ARMH4: variants seen among roughly 807,000 people sequenced by gnomAD.
ARMH4 encodes armadillo like helical domain containing 4, also known as armadillo-like helical domain-containing protein 4.
Under a neutral mutation model 61.9 loss-of-function variants are expected in ARMH4, and 49 were observed. The ratio of observed to expected loss-of-function variants is 0.79; its 90% CI spans 0.63 to 1.00. ARMH4 has a LOEUF of 1.00. Ranked by LOEUF, ARMH4 falls within the 50% of genes least tolerant of loss-of-function variation. ARMH4 has a pLI of 0.00. For synonymous variants in ARMH4, 368 were observed against 341.5 expected, an observed-to-expected ratio of 1.08 and a Z score of -0.85; for missense variants, 934 against 930.0, an observed-to-expected ratio of 1.00 and a Z score of -0.06.
chr14:58,040,147 A>T (rs557150144), intron 5 of ARMH4, among the ~76,000 whole-genome samples: 7 of 152,348 alleles, frequency 4.6e-5, no homozygotes, highest in African/African-American at 1.4e-4. Flanking sequence ...TTGGGTTCTT[A>T]GCACCCTAAA....
intron 5 of ARMH4, among the ~76,000 whole-genome samples, chr14:58,056,212 C>T (rs1161192192): frequency 6.6e-6 from 1 of 152,222 alleles, no homozygotes; most frequent in African/African-American, 2.4e-5. Context: ...AATTTGAGCA[C>T]AGAACAGATC....
chr14:58,065,518 A>C (rs773754067), intron 5 of ARMH4, among the ~76,000 whole-genome samples: 3 of 152,228 alleles, frequency 2.0e-5, no homozygotes, highest in African/African-American at 4.8e-5. Context: ...TCATGCCTAC[A>C]CTGTCCTTAA....
intron 1 of ARMH4, among the ~76,000 whole-genome samples, chr14:58,145,436 G>C (rs370944979): frequency 6.6e-6 from 1 of 152,154 alleles, no homozygotes; most frequent in Admixed American, 6.6e-5. Context: ...TCAAATGGTG[G>C]AGCAGATGCT....
At chr14:58,032,689 G>A (rs1445226248) in intron 5 of ARMH4, among the ~76,000 whole-genome samples, 2 of 151,856 alleles carry the variant, frequency 1.3e-5, no homozygotes, top group East Asian at 2.0e-4. Flanking sequence ...AGGCCAGTGT[G>A]TGCGCGCACC....
intron 5 of ARMH4, among the ~76,000 whole-genome samples, chr14:58,065,843 C>T (rs899767440): frequency 6.6e-6 from 1 of 152,240 alleles, no homozygotes; most frequent in Non-Finnish European, 1.5e-5. Flanking sequence ...CTGTTGTGAG[C>T]TGCATTGTGG....
In ARMH4 at chr14:58,147,687, C is replaced by T. The variant is rs894516476; in HGVS notation, c.-57+4388G>A. ...CACTTAGGAGCTGCTATGTGCCAAG[C>T]GTTCTAAGTGCCCAGTGGAAATTAT... On this transcript the variant is annotated intron_variant, in intron 1 of 7. Coordinates refer to ENST00000267485, the MANE Select transcript of ARMH4 (RefSeq NM_001001872.4). Among the ~76,000 whole-genome samples the T allele has an allele frequency of 7.2e-5, 11 of 152,242 alleles. No homozygotes were observed. In the Middle Eastern group the frequency reaches 0.014, roughly 188 times the overall value.
chr14:58,121,595 G>A (rs17832861), intron 4 of ARMH4, among the ~76,000 whole-genome samples: 36,470 of 152,156 alleles, frequency 0.24, 5,582 homozygotes, highest in Middle Eastern at 0.35. Context: ...ATTAGCAAAC[G>A]TGATGAACAT....
At chr14:58,072,244 G>A (rs1884904671) in intron 5 of ARMH4, among the ~76,000 whole-genome samples, 2 of 152,172 alleles carry the variant, frequency 1.3e-5, no homozygotes. Flanking sequence ...TAGATGGATT[G>A]CAAGGTTTAC....
intron 5 of ARMH4, among the ~76,000 whole-genome samples, chr14:58,058,471 T>C (rs1884420331): frequency 6.6e-6 from 1 of 152,140 alleles, no homozygotes; most frequent in Non-Finnish European, 1.5e-5. Context: ...AACTCATGAA[T>C]AATAAGGGGT....
At chr14:58,039,498 A>G (rs1005599136) in intron 5 of ARMH4, among the ~76,000 whole-genome samples, 4 of 152,200 alleles carry the variant, frequency 2.6e-5, no homozygotes, top group Admixed American at 2.6e-4. Context: ...TTTCAGGAAA[A>G]GACTTTGCAG....
chr14:58,143,788 T>TTTTG (rs1887644404), intron 1 of ARMH4, among the ~76,000 whole-genome samples: 1 of 123,034 alleles, frequency 8.1e-6, no homozygotes, highest in Non-Finnish European at 1.8e-5. Flanking sequence ...TTTTTTTTTT[T>TTTTG]TCTGAGACAG....
Position 58,096,721 on chromosome 14 carries a change from T to TAGGG in ARMH4, c.2089+2_2089+3insCCCT, listed in dbSNP as rs1252537076. Reference sequence around the variant, plus strand: ...GGAAAAGGGAAATACACATGACTCTTACCCAGGCCTTGATTCTGCTGTTCC... The same window carrying TAGGG: ...GGAAAAGGGAAATACACATGACTCTTAGGGACCCAGGCCTTGATTCTGCTGTTCC... On this transcript the variant is annotated splice_region_variant and intron_variant, in intron 5 of 7. Transcript: ENST00000267485. 1.2e-6 allele frequency: 2 copies of TAGGG among 1,613,382 alleles called. No individual in the cohort carries two copies. Among genetic ancestry groups the TAGGG allele is most frequent in the Non-Finnish European group, 1.7e-6 (2 of 1,179,580 alleles).
intron 1 of ARMH4, among the ~76,000 whole-genome samples, chr14:58,150,348 T>C (rs1035645999): frequency 3.9e-5 from 6 of 152,236 alleles, no homozygotes; most frequent in African/African-American, 1.4e-4. Context: ...AGCTTCCCTA[T>C]GTGAGAAGTT....
Position 58,004,675 on chromosome 14 carries a change from C to A in ARMH4, c.*61G>T. 7.5e-7 allele frequency: 1 copy of A among 1,342,062 alleles called. No homozygotes were observed. The highest frequency in any genetic ancestry group is 1.0e-6 in the Non-Finnish European group (1 of 957,500). The allele number at this position is 1,342,062 out of a possible 1,614,324, so 83.1% of individuals were successfully genotyped here. On this transcript the variant is annotated 3_prime_UTR_variant, in exon 8 of 8. Coordinates refer to ENST00000267485, the MANE Select transcript of ARMH4 (RefSeq NM_001001872.4). Reference sequence around the variant, plus strand: ...GCAGGTTGTTCTTTTTTTTTTTCTGCTCCAAAATAAAAATTAGAATAGTAG... The same window carrying A: ...GCAGGTTGTTCTTTTTTTTTTTCTGATCCAAAATAAAAATTAGAATAGTAG...
intron 5 of ARMH4, among the ~76,000 whole-genome samples, chr14:58,013,815 G>A (rs1279421196): frequency 1.3e-5 from 2 of 152,090 alleles, no homozygotes; most frequent in Non-Finnish European, 1.5e-5. Context: ...AGAGGCAGGT[G>A]AAGTTCAAGA....
chr14:58,006,005 G>A (rs2141124140), intron 6 of ARMH4, among the ~76,000 whole-genome samples: 1 of 152,300 alleles, frequency 6.6e-6, no homozygotes, highest in South Asian at 2.1e-4. Flanking sequence ...TCCTGGAAGT[G>A]TCAAATTCAT....
chr14:58,140,762 G>A (rs1386410215), intron 1 of ARMH4, among the ~76,000 whole-genome samples: 3 of 151,982 alleles, frequency 2.0e-5, no homozygotes, highest in Non-Finnish European at 4.4e-5. Context: ...AATTAGCTGG[G>A]TGTGGTGGCG....
chr14:58,013,990 C>G (rs1249928217), intron 5 of ARMH4, among the ~76,000 whole-genome samples: 1 of 151,768 alleles, frequency 6.6e-6, no homozygotes, highest in East Asian at 1.9e-4. Flanking sequence ...CACCACTGCA[C>G]TCCAGCCTGG....
In ARMH4 at chr14:58,064,032, C is replaced by T. The variant is rs549157291; in HGVS notation, c.2089+32692G>A. On this transcript the variant is annotated intron_variant, in intron 5 of 7. Transcript: ENST00000267485. ...ATGGCTGGTGTAGGTAATACGCACA[C>T]TTTTAACAAAGATTTAGCTATACTT... Among the ~76,000 whole-genome samples the T allele has an allele frequency of 2.8e-4, 42 of 152,292 alleles. 1 individual carries two copies. In the South Asian group the frequency reaches 3.5e-3, roughly 13 times the overall value.
Sources: gnomAD v4.1 joint callset for allele counts (sites outside exome capture counted in the v4.1 genomes callset) on GRCh38, gnomAD v4.1.1 for gene constraint, MANE v1.5 for transcripts, NCBI Gene and HGNC (gene_info 2026-07-23, HGNC 2026-07-21) for gene names.